The following ZNF652 variants were observed in gnomAD, a reference collection of about 807,000 sequenced individuals.
ZNF652 encodes zinc finger protein 652.
A neutral mutation model predicts 45.2 loss-of-function variants in ZNF652; 16 were observed. The observed-to-expected ratio is 0.35, with a 90% confidence interval of 0.24 to 0.54. The LOEUF (loss-of-function observed/expected upper bound fraction) is 0.54. ZNF652 is among the 20% of genes least tolerant of loss of function. ZNF652 has a pLI of 0.91. For synonymous variants in ZNF652, 250 were observed against 260.6 expected (o/e 0.96, Z 0.39); for missense variants, 614 against 765.6 (o/e 0.80, Z 2.34).
chr17:49,321,242 C>CA (rs981289806), intron 1 of ZNF652, among the ~76,000 whole-genome samples: 9 of 151,846 alleles, frequency 5.9e-5, no homozygotes, highest in African/African-American at 2.2e-4. Context: ...ACTGGATAGA[C>CA]ATATGTATTT....
intron 1 of ZNF652, among the ~76,000 whole-genome samples, chr17:49,357,067 C>T (rs534692032): frequency 8.0e-5 from 12 of 150,350 alleles, no homozygotes; most frequent in African/African-American, 2.2e-4. Context: ...GGGAGGCTGA[C>T]GTGGGCAGAT....
At chr17:49,332,748 G>A (rs2070037819) in intron 1 of ZNF652, among the ~76,000 whole-genome samples, 1 of 152,184 alleles carries the variant, frequency 6.6e-6, no homozygotes, top group African/African-American at 2.4e-5. Flanking sequence ...CCCAAGTGCT[G>A]AGATTACAGG....
intron 1 of ZNF652, among the ~76,000 whole-genome samples, chr17:49,345,839 T>A (rs892236608): frequency 1.4e-4 from 13 of 89,852 alleles, no homozygotes; most frequent in African/African-American, 3.8e-4. Context: ...AGACTCCATC[T>A]CAAAAAAAAA....
intron 2 of ZNF652, among the ~76,000 whole-genome samples, chr17:49,315,894 CAGA>C (rs2069797090): frequency 6.6e-6 from 1 of 152,058 alleles, no homozygotes. Context: ...TTAAAAGCAA[CAGA>C]AGAAAAGTGA....
At position 49,317,895 on chromosome 17, in the gene ZNF652, G is replaced by C; in HGVS notation, c.-170C>G. On this transcript the variant is annotated 5_prime_UTR_variant, in exon 2 of 6. Transcript: ENST00000430262. ...TTCCAGTGTTGCAGCACCAAAGCATGAGTCAAAAAGGTTTGGTATTATGGC... is the reference window on the plus strand; with the variant it reads ...TTCCAGTGTTGCAGCACCAAAGCATCAGTCAAAAAGGTTTGGTATTATGGC... The C allele has an allele frequency of 1.4e-6, 1 of 731,490 alleles. No homozygotes were observed. The highest frequency in any genetic ancestry group is 2.1e-6 in the Non-Finnish European group (1 of 481,984). The allele number at this position is 731,490 out of a possible 1,614,324, so 45.3% of individuals were successfully genotyped here.
In ZNF652 at chr17:49,296,919, T is replaced by C. The variant is rs1326855247; in HGVS notation, c.*1494A>G. 6.6e-6 allele frequency: 1 copy of C among 152,194 alleles called. No individual in the cohort carries two copies. Among genetic ancestry groups the C allele is most frequent in the African/African-American group, 2.4e-5 (1 of 41,448 alleles). The allele number at this position is 152,194 out of a possible 1,614,324, so 9.4% of individuals were successfully genotyped here. A position where few individuals can be genotyped will look rare whatever the true frequency, so the allele number is the denominator to read the frequency against. On this transcript the variant is annotated 3_prime_UTR_variant, in exon 6 of 6. Transcript: ENST00000430262. The stretch of plus-strand genomic sequence containing the variant: ...TTCCTATAATAAGCTCCTGGTTGAT[T>C]ATGGTCTTTTGAAGTTCCCCAAACT...
chr17:49,351,366 T>C lies in ZNF652; in HGVS notation c.-259+10543A>G, dbSNP rs528375111. Among the ~76,000 whole-genome samples the C allele has an allele frequency of 3.1e-4, 47 of 152,086 alleles. No homozygotes were observed. In the South Asian group the frequency reaches 9.8e-3, roughly 32 times the overall value. On this transcript the variant is annotated intron_variant, in intron 1 of 5. Coordinates refer to ENST00000430262, the MANE Select transcript of ZNF652 (RefSeq NM_001145365.3). ...CATTGAAGAATTCACCACCAGAAGA[T>C]GGTAAGTATAAAAAAAGTGTATACA...
At chr17:49,350,970 C>CATATATATAT (rs372720324) in intron 1 of ZNF652, among the ~76,000 whole-genome samples, 69 of 42,156 alleles carry the variant, frequency 1.6e-3, no homozygotes, top group Non-Finnish European at 2.4e-3. Flanking sequence ...ACTCTGTCTA[C>CATATATATAT]ATATATATAT....
chr17:49,303,748 T>G (rs1416468317), intron 5 of ZNF652, among the ~76,000 whole-genome samples: 1 of 152,052 alleles, frequency 6.6e-6, no homozygotes, highest in Non-Finnish European at 1.5e-5. Flanking sequence ...TATTTACTAA[T>G]CACTTCTTAG....
At position 49,350,970 on chromosome 17, in the gene ZNF652, C is replaced by CAT. The variant is rs372720324; in HGVS notation, c.-259+10937_-259+10938dup. 5.5e-3 allele frequency among the ~76,000 whole-genome samples: 233 copies of CAT among 42,002 alleles called. 1 individual carries two copies. The highest frequency in any genetic ancestry group is 1.0e-2 in the East Asian group (10 of 1,004). The allele number at this position is 42,002 out of a possible 152,430, so 27.6% of individuals were successfully genotyped here. Reference sequence around the variant, plus strand: ...GGGTGACAGAGCAAGACTCTGTCTACATATATATATATATATATATATATA... The same window carrying CAT: ...GGGTGACAGAGCAAGACTCTGTCTACATATATATATATATATATATATATATA... On this transcript the variant is annotated intron_variant, in intron 1 of 5. Transcript: ENST00000430262.
intron 1 of ZNF652, among the ~76,000 whole-genome samples, chr17:49,329,130 A>G (rs945180319): frequency 6.6e-6 from 1 of 152,226 alleles, no homozygotes; most frequent in Non-Finnish European, 1.5e-5. Context: ...GTTAATTCAT[A>G]TGGATACATT....
chr17:49,302,805 T>C (rs1197339648), intron 5 of ZNF652, among the ~76,000 whole-genome samples: 1 of 149,586 alleles, frequency 6.7e-6, no homozygotes, highest in African/African-American at 2.5e-5. Context: ...CTACTAAAAA[T>C]ACAAAAATTA....
At chr17:49,299,847 C>CTT (rs562495965) in intron 5 of ZNF652, among the ~76,000 whole-genome samples, 11 of 135,420 alleles carry the variant, frequency 8.1e-5, no homozygotes, top group Admixed American at 1.5e-4. Flanking sequence ...GCCTGGCTAT[C>CTT]TTTTTTTTTT....
rs540959098 is a variant in ZNF652, at chr17:49,328,729, G to C, written c.-258-10746C>G. 3.9e-5 allele frequency among the ~76,000 whole-genome samples: 6 copies of C among 152,290 alleles called. No homozygotes were observed. The South Asian group carries it at 1.2e-3, about 32-fold the overall frequency. On this transcript the variant is annotated intron_variant, in intron 1 of 5. Coordinates refer to ENST00000430262, the MANE Select transcript of ZNF652 (RefSeq NM_001145365.3). ...CCAAGCAGATGTTGGTGCCAGGCTTGTACAGCCTGCAGAACCACAAGCCCA... is the reference window on the plus strand; with the variant it reads ...CCAAGCAGATGTTGGTGCCAGGCTTCTACAGCCTGCAGAACCACAAGCCCA...
chr17:49,311,580 C>T (rs1425435733), intron 4 of ZNF652, 124 bp from the exon 5 acceptor site: 1 of 1,107,088 alleles, frequency 9.0e-7, no homozygotes, highest in Admixed American at 2.6e-5. Flanking sequence ...CTTGTGTCAG[C>T]TATTTGGCTT....
rs1232092742 is a variant in ZNF652, at chr17:49,292,247, G to A, written c.*6166C>T. ...TTTTCCTTTTTCTCCAGTTTTGGAGGAGAACTGGAAGGGAGTAAAAAGACC... is the reference window on the plus strand; with the variant it reads ...TTTTCCTTTTTCTCCAGTTTTGGAGAAGAACTGGAAGGGAGTAAAAAGACC... On this transcript the variant is annotated 3_prime_UTR_variant, in exon 6 of 6. Transcript: ENST00000430262. Among the ~76,000 whole-genome samples the A allele has an allele frequency of 6.6e-6, 1 of 151,958 alleles. No homozygotes were observed. The highest frequency in any genetic ancestry group is 1.5e-5 in the Non-Finnish European group (1 of 67,968).
intron 1 of ZNF652, among the ~76,000 whole-genome samples, chr17:49,336,724 T>A (rs903235115): frequency 3.3e-5 from 5 of 151,814 alleles, no homozygotes; most frequent in South Asian, 2.1e-4. Flanking sequence ...CCTACCAAGT[T>A]CAAGTGATTC....
chr17:49,342,240 T>C (rs1238949475), intron 1 of ZNF652, among the ~76,000 whole-genome samples: 1 of 152,098 alleles, frequency 6.6e-6, no homozygotes, highest in Non-Finnish European at 1.5e-5. Context: ...GCTTTGGTCT[T>C]ACTGAAGAAG....
At chr17:49,303,559 T>C (rs997941215) in intron 5 of ZNF652, among the ~76,000 whole-genome samples, 1 of 152,000 alleles carries the variant, frequency 6.6e-6, no homozygotes, top group Non-Finnish European at 1.5e-5. Context: ...GTTTTCTAAA[T>C]TAAATATGAT....
Sources: allele counts gnomAD v4.1 joint callset (sites outside exome capture counted in the v4.1 genomes callset), GRCh38; gene constraint gnomAD v4.1.1; transcripts MANE v1.5; gene names NCBI Gene and HGNC (gene_info 2026-07-23, HGNC 2026-07-21).